The following NRG3 variants were observed in gnomAD, a reference collection of about 807,000 sequenced individuals.
The protein encoded by NRG3 is neuregulin 3.
Under a neutral mutation model 66.9 loss-of-function variants are expected in NRG3, and 31 were observed. That is an observed-to-expected ratio of 0.46 (90% CI 0.35 to 0.63). NRG3 has a LOEUF of 0.63. Among genes scored for constraint, NRG3 ranks in the 20% least tolerant of loss-of-function variants. NRG3 has a pLI of 0.00. For synonymous variants in NRG3, 393 were observed against 359.4 expected (o/e 1.09, Z -1.06); for missense variants, 910 against 878.9 (o/e 1.04, Z -0.45).
chr10:82,731,937 T>A (rs539006054), intron 2 of NRG3, among the ~76,000 whole-genome samples: 1 of 152,258 alleles, frequency 6.6e-6, no homozygotes, highest in Admixed American at 6.5e-5. Flanking sequence ...CATAATATAG[T>A]TATGACTATA....
intron 1 of NRG3, among the ~76,000 whole-genome samples, chr10:82,009,303 A>G (rs2061488727): frequency 1.3e-5 from 2 of 152,312 alleles, no homozygotes; most frequent in Middle Eastern, 3.4e-3. Context: ...TTTCTTGTTC[A>G]TCCAGGGGTG....
At chr10:82,769,759 C>A (rs933913107) in intron 3 of NRG3, among the ~76,000 whole-genome samples, 1 of 152,032 alleles carries the variant, frequency 6.6e-6, no homozygotes, top group Non-Finnish European at 1.5e-5. Flanking sequence ...TTATGTAATT[C>A]TTCCTACATA....
At chr10:82,185,093 A>G (rs1036229511) in intron 1 of NRG3, among the ~76,000 whole-genome samples, 12 of 152,142 alleles carry the variant, frequency 7.9e-5, no homozygotes, top group African/African-American at 2.9e-4. Context: ...CAGAGTTTGC[A>G]AGAAGAGAAA....
chr10:82,106,704 C>T (rs2067083177), intron 1 of NRG3, among the ~76,000 whole-genome samples: 1 of 151,888 alleles, frequency 6.6e-6, no homozygotes. Flanking sequence ...CAGGTTTTCT[C>T]CATGTTGGCC....
At chr10:82,497,813 C>T (rs997933462) in intron 2 of NRG3, among the ~76,000 whole-genome samples, 1 of 152,162 alleles carries the variant, frequency 6.6e-6, no homozygotes, top group Non-Finnish European at 1.5e-5. Context: ...TTTAGGAGCA[C>T]TCATACTGCT....
At chr10:82,827,112 A>G (rs1430911265) in intron 3 of NRG3, 3 of 333,270 alleles carry the variant, frequency 9.0e-6, no homozygotes, top group Non-Finnish European at 1.2e-5. Context: ...AACTCTTGAT[A>G]TTGAGAATTT....
chr10:82,646,222 G>A (rs568883053), intron 2 of NRG3, among the ~76,000 whole-genome samples: 2 of 152,142 alleles, frequency 1.3e-5, no homozygotes, highest in Non-Finnish European at 2.9e-5. Context: ...TGGGGGTGGG[G>A]TTTTACAGAG....
intron 1 of NRG3, among the ~76,000 whole-genome samples, chr10:82,274,911 C>A (rs2078766737): frequency 6.6e-6 from 1 of 151,966 alleles, no homozygotes; most frequent in Non-Finnish European, 1.5e-5. Context: ...AGGGTGGGAG[C>A]TGCCCAATTC....
At position 82,233,487 on chromosome 10, in the gene NRG3, A is replaced by G. The variant is rs532452977; in HGVS notation, c.824-125252A>G. Among the ~76,000 whole-genome samples, 6 of 152,304 alleles carry G rather than the reference A, an allele frequency of 3.9e-5. No homozygotes were observed. In the South Asian group the frequency reaches 8.3e-4, roughly 21 times the overall value. The stretch of plus-strand genomic sequence containing the variant: ...CACAAGGTACAGAAAATTTAAATAT[A>G]CATTTATCTACAATACAGCCTTGTT... On this transcript the variant is annotated intron_variant, in intron 1 of 8. Coordinates refer to ENST00000372141, the MANE Select transcript of NRG3 (RefSeq NM_001010848.4).
intron 1 of NRG3, 102 bp from the exon 2 acceptor site, chr10:82,358,637 C>A: frequency 6.6e-7 from 1 of 1,516,186 alleles, no homozygotes; most frequent in Non-Finnish European, 9.0e-7. Context: ...GAGGTCAGAG[C>A]CCATGAGAAG....
At chr10:82,556,196 A>G (rs2044638569) in intron 2 of NRG3, among the ~76,000 whole-genome samples, 1 of 151,258 alleles carries the variant, frequency 6.6e-6, no homozygotes, top group African/African-American at 2.4e-5. Flanking sequence ...CTTGAAGCCT[A>G]TTTTTTTTTC....
chr10:81,975,115 A>G (rs1564704140), intron 1 of NRG3, among the ~76,000 whole-genome samples: 1 of 152,098 alleles, frequency 6.6e-6, no homozygotes, highest in East Asian at 1.9e-4. Context: ...GAAAAAAAAA[A>G]GAAAAACATA....
intron 2 of NRG3, among the ~76,000 whole-genome samples, chr10:82,537,308 G>A (rs1178501280): frequency 1.3e-5 from 2 of 151,976 alleles, no homozygotes; most frequent in Non-Finnish European, 2.9e-5. Context: ...GAATGAACAG[G>A]GTATTAAAAA....
chr10:82,175,287 C>T (rs990412596), intron 1 of NRG3, among the ~76,000 whole-genome samples: 3 of 152,210 alleles, frequency 2.0e-5, no homozygotes, highest in Non-Finnish European at 4.4e-5. Flanking sequence ...AATCATCATT[C>T]TGAAAGACAA....
chr10:82,602,339 G>A (rs1230116632), intron 2 of NRG3, among the ~76,000 whole-genome samples: 2 of 151,896 alleles, frequency 1.3e-5, no homozygotes, highest in African/African-American at 4.8e-5. Context: ...TGGAGGTCAA[G>A]GAATAGCATA....
At position 81,876,075 on chromosome 10, in the gene NRG3, T is replaced by A. The variant is rs779154421; in HGVS notation, c.735T>A (p.Ser245=). 3 of 1,613,836 alleles carry A rather than the reference T, an allele frequency of 1.9e-6. No homozygotes were observed. The highest frequency in any genetic ancestry group is 1.1e-5 in the South Asian group (1 of 91,060). The change falls in exon 1 of 9, where the codon TCT becomes TCA. Residue 245 remains serine, a synonymous_variant. Transcript: ENST00000372141. ...LHDSTPSWTL[S]PFQDAASSSS... Reference sequence around the variant, plus strand: ...ATTCTACTCCCTCCTGGACCCTGTCTCCCTTTCAGGATGCTGCCTCCTCTT... The same window carrying A: ...ATTCTACTCCCTCCTGGACCCTGTCACCCTTTCAGGATGCTGCCTCCTCTT...
chr10:82,270,250 CCTCA>C (rs1328151258), intron 1 of NRG3, among the ~76,000 whole-genome samples: 1 of 152,088 alleles, frequency 6.6e-6, no homozygotes, highest in African/African-American at 2.4e-5. Flanking sequence ...TTGTCATTCC[CCTCA>C]CTCTACTCAT....
At chr10:82,295,105 T>C (rs1311952538) in intron 1 of NRG3, among the ~76,000 whole-genome samples, 2 of 152,352 alleles carry the variant, frequency 1.3e-5, no homozygotes, top group Admixed American at 6.5e-5. Flanking sequence ...ATGACTAATG[T>C]TAAATCTTAA....
At chr10:82,495,811 GACAC>G (rs55671097) in intron 2 of NRG3, among the ~76,000 whole-genome samples, 23 of 144,786 alleles carry the variant, frequency 1.6e-4, no homozygotes, top group African/African-American at 2.3e-4. Context: ...TTAGAGTGCA[GACAC>G]ACACACACAC....
Sources: allele counts gnomAD v4.1 joint callset (sites outside exome capture counted in the v4.1 genomes callset), GRCh38; gene constraint gnomAD v4.1.1; transcripts MANE v1.5; gene names NCBI Gene and HGNC (gene_info 2026-07-23, HGNC 2026-07-21).